The following CADM3 variants were observed in gnomAD, a reference collection of about 807,000 sequenced individuals.
CADM3 encodes the protein TSLC1-like 1.
CADM3 carries 11 observed loss-of-function variants against 44.9 expected under a neutral mutation model. That is an observed-to-expected ratio of 0.25 (90% CI 0.15 to 0.41). CADM3 has a LOEUF of 0.41. Ranked by LOEUF, CADM3 falls within the 10% of genes least tolerant of loss-of-function variation. The pLI is 1.00. For synonymous variants in CADM3, 207 were observed against 205.2 expected (o/e 1.01, Z -0.08); for missense variants, 426 against 512.0 (o/e 0.83, Z 1.62).
At chr1:159,178,089 A>T (rs1043772379) in intron 1 of CADM3, among the ~76,000 whole-genome samples, 3 of 152,238 alleles carry the variant, frequency 2.0e-5, no homozygotes, top group Admixed American at 1.3e-4. Flanking sequence ...TACCATATAC[A>T]ATCTAAATGC....
At chr1:159,197,963 G>T (rs942560145) in intron 7 of CADM3, 2 of 152,236 alleles carry the variant, frequency 1.3e-5, no homozygotes, top group Admixed American at 1.3e-4. Flanking sequence ...CAAGGCTATT[G>T]TAGGATGCCA....
At chr1:159,196,041 T>G (rs1433958625) in intron 5 of CADM3, 1 of 238,334 alleles carries the variant, frequency 4.2e-6, no homozygotes, top group Non-Finnish European at 8.2e-6. Context: ...AAATATGTAT[T>G]AGGTCTTTCC....
At chr1:159,184,524 A>G (rs1394800542) in intron 1 of CADM3, among the ~76,000 whole-genome samples, 1 of 152,136 alleles carries the variant, frequency 6.6e-6, no homozygotes, top group Non-Finnish European at 1.5e-5. Flanking sequence ...GGACTCAAGC[A>G]CTGGCAAGGC....
chr1:159,193,652 T>C (rs764684676), intron 4 of CADM3, 92 bp downstream of exon 4: 2 of 1,566,546 alleles, frequency 1.3e-6, no homozygotes, highest in African/African-American at 1.4e-5. Flanking sequence ...AGGCATGGTA[T>C]GGAAGAGAAA....
intron 6 of CADM3, 156 bp downstream of exon 6, chr1:159,196,610 G>T: frequency 1.4e-6 from 1 of 690,238 alleles, no homozygotes; most frequent in Non-Finnish European, 2.5e-6. Context: ...TAGTTCTTCT[G>T]CAAAGCAGCA....
chr1:159,174,984 G>GC (rs997450920), intron 1 of CADM3, among the ~76,000 whole-genome samples: 7 of 152,116 alleles, frequency 4.6e-5, no homozygotes, highest in Non-Finnish European at 1.0e-4. Flanking sequence ...GTACTGCACT[G>GC]CCCCACACAT....
Position 159,193,922 on chromosome 1 carries a change from C to T in CADM3, c.573C>T (p.Ser191=). 6.2e-7 allele frequency: 1 copy of T among 1,614,202 alleles called. No homozygotes were observed. The highest frequency in any genetic ancestry group is 8.5e-7 in the Non-Finnish European group (1 of 1,180,040). The change falls in exon 5 of 9, where the codon AGC becomes AGT. Residue 191 remains serine, a synonymous_variant. Coordinates refer to ENST00000368125, the MANE Select transcript of CADM3 (RefSeq NM_001127173.3). The stretch of plus-strand genomic sequence containing the variant: ...CCAATGGTAAAACCTTCACTGTCAG[C>T]AGCTCGGTGACATTCCAGGTTACCC... ...EDPNGKTFTV[S]SSVTFQVTRE... is the part of the protein sequence containing the mutation.
intron 1 of CADM3, among the ~76,000 whole-genome samples, chr1:159,184,330 T>C (rs1380949693): frequency 1.3e-5 from 2 of 152,194 alleles, no homozygotes; most frequent in African/African-American, 2.4e-5. Flanking sequence ...TGTTTTTCCC[T>C]TGGAGATAAC....
intron 5 of CADM3, chr1:159,196,079 G>C: frequency 2.7e-6 from 1 of 372,252 alleles, no homozygotes; most frequent in South Asian, 3.6e-5. Flanking sequence ...GCTAGGCACA[G>C]GTAAACCACT....
intron 1 of CADM3, among the ~76,000 whole-genome samples, chr1:159,175,862 T>G (rs1196464334): frequency 6.6e-6 from 1 of 152,254 alleles, no homozygotes; most frequent in Non-Finnish European, 1.5e-5. Context: ...CTGGTTACTT[T>G]GAAATAACAA....
At chr1:159,174,902 T>C (rs914717312) in intron 1 of CADM3, among the ~76,000 whole-genome samples, 3 of 152,216 alleles carry the variant, frequency 2.0e-5, no homozygotes, top group African/African-American at 7.2e-5. Context: ...ACTCTGTGAC[T>C]TGGCCTAGGG....
intron 7 of CADM3, among the ~76,000 whole-genome samples, chr1:159,198,916 G>A (rs566487918): frequency 6.6e-6 from 1 of 152,290 alleles, no homozygotes; most frequent in African/African-American, 2.4e-5. Flanking sequence ...CCACTAGCAT[G>A]AGAGAAAGCA....
intron 1 of CADM3, among the ~76,000 whole-genome samples, chr1:159,175,075 C>A (rs1648967059): frequency 6.6e-6 from 1 of 152,252 alleles, no homozygotes. Flanking sequence ...GTGAGGACAT[C>A]ATGCCCAATG....
At chr1:159,177,234 C>T (rs753191160) in intron 1 of CADM3, among the ~76,000 whole-genome samples, 1 of 151,948 alleles carries the variant, frequency 6.6e-6, no homozygotes, top group Non-Finnish European at 1.5e-5. Context: ...GGTGGTGGTC[C>T]TCATTTTTCA....
At chr1:159,184,976 C>G (rs1649363567) in intron 1 of CADM3, among the ~76,000 whole-genome samples, 1 of 152,166 alleles carries the variant, frequency 6.6e-6, no homozygotes, top group African/African-American at 2.4e-5. Flanking sequence ...CCTAAAGATA[C>G]TAGAACCCAT....
chr1:159,189,599 A>G (rs576015132), intron 1 of CADM3, among the ~76,000 whole-genome samples: 1 of 152,168 alleles, frequency 6.6e-6, no homozygotes, highest in Non-Finnish European at 1.5e-5. Context: ...CCTTTTTCAG[A>G]ACTCTAGTTA....
chr1:159,171,791 T>C lies in CADM3; in HGVS notation c.26T>C (p.Leu9Pro). MGAPAASL[L>P]LLLLLFACCW... ...ATGGGGGCCCCAGCCGCCTCGCTCC[T>C]GCTCCTGCTCCTGCTGTTCGCCTGC... The change falls in exon 1 of 9, where the codon CTG becomes CCG. Residue 9 changes from leucine to proline, a missense_variant. Around this residue, in one of 2 missense-constraint regions of CADM3, gnomAD observed 64 missense variants for 37.4 expected, o/e 1.71. Coordinates refer to ENST00000368125, the MANE Select transcript of CADM3 (RefSeq NM_001127173.3). 3.2e-6 allele frequency: 4 copies of C among 1,243,352 alleles called. No homozygotes were observed. Among genetic ancestry groups the C allele is most frequent in the Non-Finnish European group, 3.0e-6 (3 of 992,894 alleles). The allele number at this position is 1,243,352 out of a possible 1,614,324, so 77.0% of individuals were successfully genotyped here.
At chr1:159,185,808 T>C (rs575703304) in intron 1 of CADM3, among the ~76,000 whole-genome samples, 51 of 152,326 alleles carry the variant, frequency 3.3e-4, no homozygotes, top group South Asian at 1.2e-3. Context: ...ATTCATTTAA[T>C]AAAGAAATAT....
intron 6 of CADM3, 195 bp downstream of exon 6, chr1:159,196,649 A>G: frequency 1.6e-6 from 1 of 630,998 alleles, no homozygotes. Context: ...TCCCTAACTC[A>G]GTCCCTGAGT....
Sources: allele counts gnomAD v4.1 joint callset (sites outside exome capture counted in the v4.1 genomes callset), GRCh38; gene constraint gnomAD v4.1.1; regional missense constraint gnomAD v4.1.1; transcripts MANE v1.5; gene names NCBI Gene and HGNC (gene_info 2026-07-23, HGNC 2026-07-21).